MROH2A: variants seen among roughly 807,000 people sequenced by gnomAD.
MROH2A encodes maestro heat like repeat family member 2A, also known as maestro heat-like repeat-containing protein family member 2A.
A neutral mutation model predicts 200.4 loss-of-function variants in MROH2A; 174 were observed. That is an observed-to-expected ratio of 0.87 (90% CI 0.77 to 0.98). The LOEUF is 0.98. MROH2A is among the 50% of genes least tolerant of loss of function. The probability of loss-of-function intolerance (pLI) is 0.00; values close to 1 mark genes in which losing one functional copy is unlikely to be tolerated. For missense variants in MROH2A, 2,045 were observed against 2,139.6 expected, an observed-to-expected ratio of 0.96 and a Z score of 0.87; for synonymous variants, 829 against 840.4, an observed-to-expected ratio of 0.99 and a Z score of 0.23.
chr2:233,807,989 G>C lies in MROH2A; in HGVS notation c.2295+134G>C. On this transcript the variant is annotated intron_variant, in intron 21 of 41. Coordinates refer to ENST00000389758, the MANE Select transcript of MROH2A (RefSeq NM_001394639.1). The surrounding 1 kb of genome is among the most constrained non-coding windows in gnomAD (Gnocchi z 4.3). ...AGTCTCCTGTCATCAAAATGGCTGA[G>C]ACATTGTCTTACTCTGAGACCTCCT... The C allele has an allele frequency of 8.5e-7, 1 of 1,179,654 alleles. No homozygotes were observed. Among genetic ancestry groups the C allele is most frequent in the African/African-American group, 1.5e-5 (1 of 65,558 alleles). 73.1% of individuals were successfully genotyped at this position (1,179,654 alleles called of 1,614,324 possible). A position where few individuals can be genotyped will look rare whatever the true frequency, so the allele number is the denominator to read the frequency against.
chr2:233,825,330 T>C (rs1704231566), intron 35 of MROH2A, among the ~76,000 whole-genome samples: 2 of 152,234 alleles, frequency 1.3e-5, no homozygotes, highest in African/African-American at 2.4e-5. Context: ...TCTTGCCTGA[T>C]TGCCCTGGCC....
rs749792806 is a variant in MROH2A, at chr2:233,804,545, C to G, written c.1942C>G (p.Gln648Glu). 4.5e-5 allele frequency: 70 copies of G among 1,551,204 alleles called. No individual in the cohort carries two copies. Among genetic ancestry groups the G allele is most frequent in the Non-Finnish European group, 5.8e-5 (67 of 1,147,128 alleles). The change falls in exon 18 of 42, where the codon CAG becomes GAG. Residue 648 changes from glutamine to glutamate, a missense_variant and splice_region_variant. Around this residue, in one of 3 missense-constraint regions of MROH2A, gnomAD observed 1,201 missense variants for 1,311.3 expected, o/e 0.92. Coordinates refer to ENST00000389758, the MANE Select transcript of MROH2A (RefSeq NM_001394639.1). Reference sequence around the variant, plus strand: ...GAAAGCCTGGGAAGACAAGCTGATTCAGGTAAACGGGTAACAAGTTTGCTG... The same window carrying G: ...GAAAGCCTGGGAAGACAAGCTGATTGAGGTAAACGGGTAACAAGTTTGCTG... ...DQKAWEDKLI[Q>E]FLRNSLKKTR...
Position 233,813,890 on chromosome 2 carries a change from G to A in MROH2A, c.2760+112G>A, listed in dbSNP as rs1234519232. On this transcript the variant is annotated intron_variant, in intron 25 of 41. Coordinates refer to ENST00000389758, the MANE Select transcript of MROH2A (RefSeq NM_001394639.1). ...AACCACCTTTGAGTGTTTAGAGGCA[G>A]CGGAGTGTAGCAAGCTCTATCAGTA... The A allele has an allele frequency of 1.6e-5, 9 of 575,326 alleles. No individual in the cohort carries two copies. The Admixed American group carries it at 2.4e-4, about 15-fold the overall frequency. The allele number at this position is 575,326 out of a possible 1,614,324, so 35.6% of individuals were successfully genotyped here. A position where few individuals can be genotyped will look rare whatever the true frequency, so the allele number is the denominator to read the frequency against.
chr2:233,826,493 T>G (rs1393899721), intron 35 of MROH2A, among the ~76,000 whole-genome samples: 2 of 152,156 alleles, frequency 1.3e-5, no homozygotes, highest in Non-Finnish European at 2.9e-5. Flanking sequence ...ATTTAAAAAA[T>G]AGTGCTGGGA....
Position 233,807,995 on chromosome 2 carries a change from G to T in MROH2A, c.2295+140G>T. 1 of 1,137,000 alleles carries T rather than the reference G, an allele frequency of 8.8e-7. No homozygotes were observed. The highest frequency in any genetic ancestry group is 1.5e-5 in the South Asian group (1 of 66,842). The allele number at this position is 1,137,000 out of a possible 1,614,324, so 70.4% of individuals were successfully genotyped here. On this transcript the variant is annotated intron_variant, in intron 21 of 41. Transcript: ENST00000389758. This position sits in a 1 kb window ranked among gnomAD's most constrained non-coding sequence, Gnocchi z 4.3. ...CTGTCATCAAAATGGCTGAGACATT[G>T]TCTTACTCTGAGACCTCCTGGACAG... is the stretch of plus-strand genomic sequence containing the variant.
chr2:233,792,993 G>C (rs987337857), intron 6 of MROH2A, 99 bp downstream of exon 6: 1 of 1,189,606 alleles, frequency 8.4e-7, no homozygotes. Context: ...AAAAAGAGGT[G>C]CACTGTTCAC....
At chr2:233,799,494 A>AT (rs1468987755) in intron 12 of MROH2A, among the ~76,000 whole-genome samples, 1 of 152,106 alleles carries the variant, frequency 6.6e-6, no homozygotes, top group Admixed American at 6.5e-5. Flanking sequence ...AGGATAACAG[A>AT]TGGGCTCCCC....
At position 233,820,652 on chromosome 2, in the gene MROH2A, T is replaced by C. The variant is rs1703876371; in HGVS notation, c.3512+596T>C. Among the ~76,000 whole-genome samples, 1 of 151,952 alleles carries C rather than the reference T, an allele frequency of 6.6e-6. No homozygotes were observed. The highest frequency in any genetic ancestry group is 2.4e-5 in the African/African-American group (1 of 41,384). ...GTCTCCCCACATGTGGGGAGTCTGT[T>C]TGGGGTGGTACCAGAATTCATCTGG... On this transcript the variant is annotated intron_variant, in intron 31 of 41. Coordinates refer to ENST00000389758, the MANE Select transcript of MROH2A (RefSeq NM_001394639.1). The surrounding 1 kb of genome is among the most constrained non-coding windows in gnomAD (Gnocchi z 4.1).
At chr2:233,795,940 C>G in intron 9 of MROH2A, 27 bp from the exon 10 acceptor site, 1 of 1,548,952 alleles carries the variant, frequency 6.5e-7, no homozygotes, top group Non-Finnish European at 8.7e-7. Context: ...GTGATCTCCT[C>G]CAGCCTCACT....
At chr2:233,830,035 C>A (rs1704616232) in intron 38 of MROH2A, among the ~76,000 whole-genome samples, 2 of 152,160 alleles carry the variant, frequency 1.3e-5, no homozygotes, top group South Asian at 4.1e-4. Flanking sequence ...GGTGTGGTGG[C>A]TGCCTATAGC....
In MROH2A at chr2:233,819,474, C is replaced by T; in HGVS notation, c.3357+5C>T. 5 of 1,549,560 alleles carry T rather than the reference C, an allele frequency of 3.2e-6. No individual in the cohort carries two copies. The highest frequency in any genetic ancestry group is 4.4e-6 in the Non-Finnish European group (5 of 1,146,570). On this transcript the variant is annotated splice_donor_5th_base_variant and intron_variant, in intron 30 of 41. Coordinates refer to ENST00000389758, the MANE Select transcript of MROH2A (RefSeq NM_001394639.1). ...GCCAAGGAGCTGGAGGACAAGGTGG[C>T]AGAGCCGCGGCAGGGCCACCAGAGA...
chr2:233,826,885 A>T (rs2124906742), intron 35 of MROH2A, among the ~76,000 whole-genome samples: 1 of 152,342 alleles, frequency 6.6e-6, no homozygotes, highest in African/African-American at 2.4e-5. Flanking sequence ...AGAAAAAAAC[A>T]AACAATCCTA....
rs1315302403 is a variant in MROH2A at position 233,819,884 on chromosome 2, T to A, written c.3358-18T>A. The A allele has an allele frequency of 3.4e-6, 5 of 1,490,590 alleles. No individual in the cohort carries two copies. In the East Asian group the frequency reaches 1.0e-4, roughly 30 times the overall value. The allele number at this position is 1,490,590 out of a possible 1,614,324, so 92.3% of individuals were successfully genotyped here. A position where few individuals can be genotyped will look rare whatever the true frequency, so the allele number is the denominator to read the frequency against. ...AGGGGCCTGGGCTGCCCCCCGGTGA[T>A]GCCCCATCCCTACCTAGGTGGCCGA... On this transcript the variant is annotated intron_variant, in intron 30 of 41. Transcript: ENST00000389758.
intron 3 of MROH2A, among the ~76,000 whole-genome samples, chr2:233,788,111 ATATT>A (rs1390775970): frequency 9.1e-6 from 1 of 110,240 alleles, no homozygotes; most frequent in Non-Finnish European, 1.7e-5. Context: ...ATATACATAT[ATATT>A]ATATATACAT....
chr2:233,783,131 T>C (rs1701026201), intron 3 of MROH2A, among the ~76,000 whole-genome samples: 1 of 152,172 alleles, frequency 6.6e-6, no homozygotes, highest in Non-Finnish European at 1.5e-5. Context: ...TATTTTGTTG[T>C]GGATTTCTGC....
At chr2:233,811,756 G>A in intron 23 of MROH2A, 124 bp from the exon 24 acceptor site, 1 of 694,462 alleles carries the variant, frequency 1.4e-6, no homozygotes, top group Non-Finnish European at 2.6e-6. Context: ...GCCCTAAAAA[G>A]AATGAAAGAG....
chr2:233,798,846 C>T lies in MROH2A; in HGVS notation c.1325C>T (p.Ser442Phe). 1.3e-6 allele frequency: 2 copies of T among 1,549,980 alleles called. No individual in the cohort carries two copies. Among genetic ancestry groups the T allele is most frequent in the Non-Finnish European group, 8.7e-7 (1 of 1,146,500 alleles). ...AAGAACACCATCTCTGATACCCGGT[C>T]CAAGGTAACAGGGCAGAGACCTGGA... ...VVKNTISDTRSKVRMAILHII... is the reference protein window; with the variant it reads ...VVKNTISDTRFKVRMAILHII... Residue 442 changes from serine to phenylalanine, a missense_variant, in exon 12 of 42, where the codon TCC becomes TTC. Physicochemically the swap from Ser to Phe is radical, Grantham distance 155 (BLOSUM62 -2). Coordinates refer to ENST00000389758, the MANE Select transcript of MROH2A (RefSeq NM_001394639.1).
intron 3 of MROH2A, among the ~76,000 whole-genome samples, chr2:233,781,781 C>CA (rs1293040486): frequency 3.3e-5 from 5 of 152,092 alleles, no homozygotes; most frequent in African/African-American, 4.8e-5. Context: ...AGGTCTCACA[C>CA]AAAAAATCTT....
intron 39 of MROH2A, 132 bp from the exon 40 acceptor site, chr2:233,832,045 C>G (rs1704793109): frequency 2.9e-6 from 2 of 689,528 alleles, no homozygotes; most frequent in Non-Finnish European, 4.9e-6. Flanking sequence ...CAGCTACTCA[C>G]CTGCTGTGTG....
Sources: allele counts gnomAD v4.1 joint callset (sites outside exome capture counted in the v4.1 genomes callset), GRCh38; gene constraint gnomAD v4.1.1; regional missense constraint gnomAD v4.1.1; non-coding constraint Gnocchi (gnomAD v3.1); transcripts MANE v1.5; gene names NCBI Gene and HGNC (gene_info 2026-07-23, HGNC 2026-07-21).